TNR: variants seen among roughly 807,000 people sequenced by gnomAD.
TNR encodes the protein tenascin-R.
TNR carries 45 observed loss-of-function variants against 150.4 expected under a neutral mutation model. That is an observed-to-expected ratio of 0.30 (90% CI 0.24 to 0.38). The LOEUF is 0.38. Among genes scored for constraint, TNR ranks in the 10% least tolerant of loss-of-function variants. The pLI, the probability that TNR is intolerant of heterozygous loss-of-function variation, is 1.00. For synonymous variants in TNR, 687 were observed against 678.4 expected, an observed-to-expected ratio of 1.01 and a Z score of -0.20; for missense variants, 1,544 against 1,759.1, an observed-to-expected ratio of 0.88 and a Z score of 2.19.
chr1:175,604,786 TCCCTAGCG>T (rs921895301), intron 1 of TNR, among the ~76,000 whole-genome samples: 6 of 152,172 alleles, frequency 3.9e-5, no homozygotes, highest in African/African-American at 1.4e-4. Flanking sequence ...AGTCCCTGGG[TCCCTAGCG>T]CCCTCATTCT....
At chr1:175,424,778 G>A (rs1030870495) in intron 2 of TNR, among the ~76,000 whole-genome samples, 3 of 152,192 alleles carry the variant, frequency 2.0e-5, no homozygotes, top group Non-Finnish European at 4.4e-5. Flanking sequence ...TGCCGCCAGA[G>A]TATCAGAAGC....
At chr1:175,461,306 G>T (rs953317052) in intron 2 of TNR, among the ~76,000 whole-genome samples, 1 of 152,120 alleles carries the variant, frequency 6.6e-6, no homozygotes, top group Non-Finnish European at 1.5e-5. Context: ...CTCAGTGTCC[G>T]GAAAGATGCA....
At chr1:175,436,406 A>G (rs1440569074) in intron 2 of TNR, among the ~76,000 whole-genome samples, 1 of 152,102 alleles carries the variant, frequency 6.6e-6, no homozygotes, top group Non-Finnish European at 1.5e-5. Flanking sequence ...CATCACTGAT[A>G]CCCTTTCTTC....
rs980593267 is a variant in TNR at position 175,596,653 on chromosome 1, A to G, written c.-164-68284T>C. Among the ~76,000 whole-genome samples, 31 of 152,344 alleles carry G rather than the reference A, an allele frequency of 2.0e-4. No individual in the cohort carries two copies. The East Asian group carries it at 5.4e-3, about 27-fold the overall frequency. ...AAAGAAACAAATTCATTATATGGAA[A>G]AATCAGCCTCCGTTCAGCAACACTT... On this transcript the variant is annotated intron_variant, in intron 1 of 22. Transcript: ENST00000367674.
intron 1 of TNR, among the ~76,000 whole-genome samples, chr1:175,676,340 C>A (rs1215076402): frequency 6.6e-6 from 1 of 152,180 alleles, no homozygotes; most frequent in African/African-American, 2.4e-5. Flanking sequence ...CAAGAGGGCT[C>A]TTTCCCCAGC....
At chr1:175,498,980 G>C (rs754862298) in intron 2 of TNR, among the ~76,000 whole-genome samples, 1 of 152,166 alleles carries the variant, frequency 6.6e-6, no homozygotes, top group Non-Finnish European at 1.5e-5. Context: ...AAGGTCATTT[G>C]GTCATACTTA....
In TNR at chr1:175,363,743, A is replaced by C. The variant is rs766010202; in HGVS notation, c.2672T>G (p.Phe891Cys). 10 of 1,613,988 alleles carry C rather than the reference A, an allele frequency of 6.2e-6. No homozygotes were observed. Among genetic ancestry groups the C allele is most frequent in the Non-Finnish European group, 7.6e-6 (9 of 1,179,894 alleles). ...TCGATATGATACTCGGTAGTAATCGAAAGATGCAACAGGAGGGCTCCAGGA... is the reference window on the plus strand; with the variant it reads ...TCGATATGATACTCGGTAGTAATCGCAAGATGCAACAGGAGGGCTCCAGGA... ...MVSWSPPVAS[F>C]DYYRVSYRPT... Residue 891 changes from phenylalanine (F) to cysteine (C), a missense_variant, in exon 13 of 23, where the codon TTC becomes TGC. Transcript: ENST00000367674.
chr1:175,605,176 A>C (rs114997800), intron 1 of TNR, among the ~76,000 whole-genome samples: 2,817 of 152,298 alleles, frequency 0.018, 65 homozygotes, highest in African/African-American at 0.059. Context: ...TCCAATAAAA[A>C]CCATAGACTT....
At chr1:175,486,319 CCT>C (rs1658013813) in intron 2 of TNR, among the ~76,000 whole-genome samples, 1 of 151,830 alleles carries the variant, frequency 6.6e-6, no homozygotes, top group Admixed American at 6.6e-5. Flanking sequence ...TGTTTCCCTC[CCT>C]GTGTCCGTGT....
chr1:175,611,794 C>G (rs191566594), intron 1 of TNR, among the ~76,000 whole-genome samples: 9 of 152,254 alleles, frequency 5.9e-5, no homozygotes, highest in African/African-American at 2.2e-4. Context: ...ATAGTCTCTA[C>G]CATCAAGAAG....
chr1:175,741,513 G>A (rs1418674964), intron 1 of TNR, among the ~76,000 whole-genome samples: 1 of 152,190 alleles, frequency 6.6e-6, no homozygotes, highest in Non-Finnish European at 1.5e-5. Flanking sequence ...TCAAGGACAG[G>A]AGGTTTGGAA....
At position 175,317,336 on chromosome 1, in the gene TNR, A is replaced by G. The variant is rs1426693346; in HGVS notation, c.*6021T>C. On this transcript the variant is annotated 3_prime_UTR_variant, in exon 23 of 23. Coordinates refer to ENST00000367674, the MANE Select transcript of TNR (RefSeq NM_003285.3). The stretch of plus-strand genomic sequence containing the variant: ...AACTTTCTTGCCCTTGGTTTCCTTG[A>G]GAGGAAATAAAATGAGAGGATTATA... 6.6e-6 allele frequency: 1 copy of G among 152,196 alleles called. No homozygotes were observed. Among genetic ancestry groups the G allele is most frequent in the East Asian group, 1.9e-4 (1 of 5,204 alleles). 9.4% of individuals were successfully genotyped at this position (152,196 alleles called of 1,614,324 possible).
chr1:175,719,313 G>A (rs1667238036), intron 1 of TNR, among the ~76,000 whole-genome samples: 1 of 152,144 alleles, frequency 6.6e-6, no homozygotes, highest in Admixed American at 6.5e-5. Context: ...GCTTAGCAGA[G>A]AGGTCCTCAC....
intron 1 of TNR, among the ~76,000 whole-genome samples, chr1:175,535,471 G>A (rs1428967534): frequency 1.4e-5 from 2 of 143,270 alleles, no homozygotes; most frequent in African/African-American, 5.0e-5. Context: ...TGTTGTTGTT[G>A]TTGTTTTGAG....
Position 175,406,471 on chromosome 1 carries a change from C to T in TNR, c.244G>A (p.Gly82Arg). The change falls in exon 3 of 23, where the codon GGG (glycine) becomes AGG (arginine). Residue 82 changes from glycine to arginine, a missense_variant. By Grantham distance (125) the Gly-to-Arg change is moderately radical. Around this residue, in one of 2 missense-constraint regions of TNR, gnomAD observed 1,254 missense variants for 1,329.4 expected, o/e 0.94. Transcript: ENST00000367674. ...NVPLDNLCSS[G>R]LEASAEQEVS... ...TCCTGCTCAGCAGAGGCCTCTAGCC[C>T]TGAGGAGCAGAGGTTGTCCAAGGGC... The T allele has an allele frequency of 6.2e-7, 1 of 1,614,220 alleles. No homozygotes were observed. Among genetic ancestry groups the T allele is most frequent in the Non-Finnish European group, 8.5e-7 (1 of 1,180,042 alleles).
At chr1:175,640,791 G>GTATATATATATATATATATATA (rs59240572) in intron 1 of TNR, among the ~76,000 whole-genome samples, 24 of 143,688 alleles carry the variant, frequency 1.7e-4, no homozygotes, top group East Asian at 8.1e-4. Context: ...GTGTGTGTGG[G>GTATATATATATATATATATATA]TATATATATA....
chr1:175,539,116 G>C (rs1304515500), intron 1 of TNR: 1 of 152,164 alleles, frequency 6.6e-6, no homozygotes, highest in African/African-American at 2.4e-5. Flanking sequence ...ATATAGCCTT[G>C]AAAAACACCA....
Position 175,657,033 on chromosome 1 carries a change from A to G in TNR, c.-165+86193T>C, listed in dbSNP as rs114198835. 3.2e-3 allele frequency among the ~76,000 whole-genome samples: 486 copies of G among 152,262 alleles called. 1 individual carries two copies. The highest frequency in any genetic ancestry group is 5.2e-3 in the South Asian group (25 of 4,812). ...ATAGGAGGTAAAGTGGTAGATCCAG[A>G]AAGGAAGAAGAAAATTTGCTAATGG... On this transcript the variant is annotated intron_variant, in intron 1 of 22. Transcript: ENST00000367674.
rs774052903 is a variant in TNR, at chr1:175,356,418, G to A, written c.3019C>T (p.Arg1007Trp). 12 of 1,613,850 alleles carry A rather than the reference G, an allele frequency of 7.4e-6. No individual in the cohort carries two copies. Among genetic ancestry groups the A allele is most frequent in the African/African-American group, 4.0e-5 (3 of 74,888 alleles). Residue 1007 changes from arginine to tryptophan, a missense_variant, in exon 16 of 23, where the codon CGG (arginine) becomes TGG (tryptophan). By Grantham distance (101) the Arg-to-Trp change is moderately radical (BLOSUM62 -3). Coordinates refer to ENST00000367674, the MANE Select transcript of TNR (RefSeq NM_003285.3). The stretch of plus-strand genomic sequence containing the variant: ...GTGCTAGGAAGCAGGTCAACAAGCC[G>A]AAATTCCTCACTGACTCCGTCAACA... The part of the protein sequence containing the change: ...ILVDGVSEEF[R>W]LVDLLPSTHY...
Sources: allele counts gnomAD v4.1 joint callset (sites outside exome capture counted in the v4.1 genomes callset), GRCh38; gene constraint gnomAD v4.1.1; regional missense constraint gnomAD v4.1.1; transcripts MANE v1.5; gene names NCBI Gene and HGNC (gene_info 2026-07-23, HGNC 2026-07-21).